ETV3: variants seen among roughly 807,000 people sequenced by gnomAD.
ETV3 encodes the protein ETS translocation variant 3.
In ETV3, 8 loss-of-function variants were observed where a neutral mutation model predicts 33.0. That is an observed-to-expected ratio of 0.24 (90% confidence interval 0.14 to 0.44). The LOEUF (loss-of-function observed/expected upper bound fraction) is 0.44. Ranked by LOEUF, ETV3 falls within the 20% of genes least tolerant of loss-of-function variation. The pLI, the probability that ETV3 is intolerant of heterozygous loss-of-function variation, is 1.00. For missense variants in ETV3, 473 were observed against 652.3 expected, an observed-to-expected ratio of 0.73 and a Z score of 2.99; for synonymous variants, 222 against 238.9, an observed-to-expected ratio of 0.93 and a Z score of 0.65.
Position 157,124,765 on chromosome 1 carries a change from C to CCCCCCCGA in ETV3, c.*75_*76insTCGGGGGG. 9.8e-6 allele frequency: 4 copies of CCCCCCCGA among 408,014 alleles called. No homozygotes were observed. The highest frequency in any genetic ancestry group is 1.2e-5 in the Non-Finnish European group (3 of 241,292). The allele number at this position is 408,014 out of a possible 1,614,324, so 25.3% of individuals were successfully genotyped here. The stretch of plus-strand genomic sequence containing the variant: ...CAAACCAGTTTAACTCCCTCCCCCC[C>CCCCCCCGA]ACCCTGAAATCTTGCTACATAAATA... On this transcript the variant is annotated 3_prime_UTR_variant, in exon 5 of 5. Transcript: ENST00000368192.
At chr1:157,130,516 A>C (rs554583784) in intron 4 of ETV3, among the ~76,000 whole-genome samples, 2 of 152,336 alleles carry the variant, frequency 1.3e-5, no homozygotes, top group East Asian at 3.9e-4. Flanking sequence ...CAGTTCTGGC[A>C]GCTTCCACCT....
In ETV3 at chr1:157,125,864, G is replaced by A. The variant is rs931468571; in HGVS notation, c.516C>T (p.Ser172=). 3.9e-6 allele frequency: 6 copies of A among 1,551,608 alleles called. No individual in the cohort carries two copies. The highest frequency in any genetic ancestry group is 1.2e-5 in the South Asian group (1 of 84,056). ...NDVQPGRFSA[S]SLTASGQESS... ...ACTCCTGGCCAGAAGCAGTTAGGGAGCTAGCAGAGAACCGTCCCGGCTGCA... is the reference window on the plus strand; with the variant it reads ...ACTCCTGGCCAGAAGCAGTTAGGGAACTAGCAGAGAACCGTCCCGGCTGCA... The change falls in exon 5 of 5, where the codon AGC becomes AGT. Residue 172 remains serine (S), a synonymous_variant. Transcript: ENST00000368192. This position sits in a 1 kb window ranked among gnomAD's most constrained non-coding sequence, Gnocchi z 4.0.
At position 157,122,426 on chromosome 1, in the gene ETV3, CCAAA is replaced by C. The variant is rs1674726009; in HGVS notation, c.*2411_*2414del. 1 of 151,896 alleles carries C rather than the reference CCAAA, an allele frequency of 6.6e-6. No individual in the cohort carries two copies. The highest frequency in any genetic ancestry group is 1.5e-5 in the Non-Finnish European group (1 of 67,982). 9.4% of individuals were successfully genotyped at this position (151,896 alleles called of 1,614,324 possible). A position where few individuals can be genotyped will look rare whatever the true frequency, so the allele number is the denominator to read the frequency against. Reference sequence around the variant, plus strand: ...GGCAATCAAAGGAAACAGTTAAACACCAAACAATTTCTTAAAGCCAAAAAATATT... The same window carrying C: ...GGCAATCAAAGGAAACAGTTAAACACCAATTTCTTAAAGCCAAAAAATATT... On this transcript the variant is annotated 3_prime_UTR_variant, in exon 5 of 5. Coordinates refer to ENST00000368192, the MANE Select transcript of ETV3 (RefSeq NM_001145312.3).
At chr1:157,130,510 T>C (rs1674945817) in intron 4 of ETV3, among the ~76,000 whole-genome samples, 3 of 152,336 alleles carry the variant, frequency 2.0e-5, no homozygotes, top group Admixed American at 1.3e-4. Context: ...GAATCTCAGT[T>C]CTGGCAGCTT....
At chr1:157,133,464 G>A in intron 4 of ETV3, 1 of 985,696 alleles carries the variant, frequency 1.0e-6, no homozygotes, top group Non-Finnish European at 1.2e-6. Flanking sequence ...TCTTTTGAGA[G>A]ACTGCTTTCA....
At chr1:157,133,670 G>C in intron 4 of ETV3, 1 of 991,358 alleles carries the variant, frequency 1.0e-6, no homozygotes. Flanking sequence ...GATCAAGGAT[G>C]CTGTGGTTTT....
chr1:157,135,283 T>G, intron 3 of ETV3, 188 bp downstream of exon 3: 2 of 691,998 alleles, frequency 2.9e-6, no homozygotes, highest in Non-Finnish European at 4.8e-6. Flanking sequence ...ACCAAAGATA[T>G]GCCTTTTCTC....
rs748181781 is a variant in ETV3 at position 157,136,361 on chromosome 1, G to A, written c.-9C>T. ...CTACAGCCGGCTTTCATTTTCACCC[G>A]CCTGCTGAGAGACACAAGCCACACA... On this transcript the variant is annotated 5_prime_UTR_variant, in exon 2 of 5. Coordinates refer to ENST00000368192, the MANE Select transcript of ETV3 (RefSeq NM_001145312.3). 19 of 1,605,894 alleles carry A rather than the reference G, an allele frequency of 1.2e-5. No homozygotes were observed. The highest frequency in any genetic ancestry group is 3.3e-5 in the South Asian group (3 of 89,602).
At chr1:157,134,356 C>A (rs1049874517) in intron 3 of ETV3, 129 bp from the exon 4 acceptor site, 29 of 1,203,168 alleles carry the variant, frequency 2.4e-5, no homozygotes, top group Non-Finnish European at 3.1e-5. Flanking sequence ...CAATCTTTCG[C>A]AGCCTGGCCC....
chr1:157,127,924 A>G (rs1359476147), intron 4 of ETV3, among the ~76,000 whole-genome samples: 2 of 152,188 alleles, frequency 1.3e-5, no homozygotes, highest in African/African-American at 2.4e-5. Context: ...ATGCCATCTG[A>G]AGTCTCAGGG....
At chr1:157,132,752 T>A (rs1674998134) in intron 4 of ETV3, among the ~76,000 whole-genome samples, 2 of 152,056 alleles carry the variant, frequency 1.3e-5, no homozygotes, top group South Asian at 4.2e-4. Context: ...TACCACTTTT[T>A]TTTTTTTTTT....
rs555395011 is a variant in ETV3, at chr1:157,129,388, A to C, written c.401-3409T>G. ...TAAGTTATAATTTGGGATTGCCTCT[A>C]AACAGCCATTCAGAAACATAACACT... is the stretch of plus-strand genomic sequence containing the variant. On this transcript the variant is annotated intron_variant, in intron 4 of 4. Transcript: ENST00000368192. Among the ~76,000 whole-genome samples the C allele has an allele frequency of 1.6e-4, 24 of 152,378 alleles. No homozygotes were observed. The East Asian group carries it at 2.3e-3, about 15-fold the overall frequency.
chr1:157,136,510 C>A, intron 1 of ETV3, 145 bp from the exon 2 acceptor site: 1 of 674,516 alleles, frequency 1.5e-6, no homozygotes, highest in Non-Finnish European at 2.5e-6. Context: ...ATGTCACCTC[C>A]AAACTGCTAC....
chr1:157,127,373 C>T (rs553322496), intron 4 of ETV3, among the ~76,000 whole-genome samples: 4 of 152,246 alleles, frequency 2.6e-5, no homozygotes, highest in African/African-American at 9.6e-5. Context: ...TCAATCTCTC[C>T]AAATCTATAT....
chr1:157,137,538 ACACT>A (rs750465604), intron 1 of ETV3, among the ~76,000 whole-genome samples: 1 of 135,326 alleles, frequency 7.4e-6, no homozygotes, highest in Admixed American at 7.8e-5. Flanking sequence ...ACACACACAC[ACACT>A]CTCACACACA....
Position 157,125,944 on chromosome 1 carries a change from C to A in ETV3, c.436G>T (p.Ala146Ser), listed in dbSNP as rs1294797756. 1 of 1,551,210 alleles carries A rather than the reference C, an allele frequency of 6.4e-7. No homozygotes were observed. The highest frequency in any genetic ancestry group is 8.7e-7 in the Non-Finnish European group (1 of 1,146,806). The change falls in exon 5 of 5, where the codon GCC becomes TCC. Residue 146 changes from alanine (A) to serine (S), a missense_variant. Physicochemically the swap from Ala to Ser is moderately conservative, Grantham distance 99. Around this residue, in one of 3 missense-constraint regions of ETV3, gnomAD observed 410 missense variants for 520.2 expected, o/e 0.79. Transcript: ENST00000368192. The surrounding 1 kb of genome is among the most constrained non-coding windows in gnomAD (Gnocchi z 4.0). ...VPQSAPPVPT[A>S]SSRFHFPPLD... ...GGTGGGAAATGGAACCGGGAAGAGG[C>A]TGTTGGCACTGGTGGTGCACTCTGA...
At chr1:157,131,861 T>C (rs1439566702) in intron 4 of ETV3, among the ~76,000 whole-genome samples, 1 of 152,206 alleles carries the variant, frequency 6.6e-6, no homozygotes, top group East Asian at 1.9e-4. Flanking sequence ...GGTCAAAAGT[T>C]CTTTAAAAAC....
intron 4 of ETV3, among the ~76,000 whole-genome samples, chr1:157,132,367 A>C (rs114399499): frequency 0.014 from 2,132 of 152,298 alleles, 52 homozygotes; most frequent in African/African-American, 0.049. Context: ...CAGATTCTTC[A>C]CAGAGTGAGG....
chr1:157,136,251 C>A, intron 2 of ETV3, 56 bp downstream of exon 2: 1 of 1,536,924 alleles, frequency 6.5e-7, no homozygotes, highest in Non-Finnish European at 9.0e-7. Flanking sequence ...GTGGAGAGGA[C>A]AGGAACCACT....
Sources: allele counts gnomAD v4.1 joint callset (sites outside exome capture counted in the v4.1 genomes callset), GRCh38; gene constraint gnomAD v4.1.1; regional missense constraint gnomAD v4.1.1; non-coding constraint Gnocchi (gnomAD v3.1); transcripts MANE v1.5; gene names NCBI Gene and HGNC (gene_info 2026-07-23, HGNC 2026-07-21).